The following DOCK3 variants were observed in gnomAD, a reference collection of about 807,000 sequenced individuals.
DOCK3 encodes dedicator of cytokinesis 3.
DOCK3 carries 60 observed loss-of-function variants against 265.6 expected under a neutral mutation model. The ratio of observed to expected loss-of-function variants is 0.23; its 90% CI spans 0.18 to 0.28. The LOEUF (loss-of-function observed/expected upper bound fraction) is 0.28, where lower values mean the gene tolerates loss of function less well. DOCK3 is among the 10% of genes least tolerant of loss of function. The probability of loss-of-function intolerance (pLI) is 1.00; values close to 1 mark genes in which losing one functional copy is unlikely to be tolerated. For synonymous variants in DOCK3, 881 were observed against 938.0 expected (o/e 0.94, Z 1.11); for missense variants, 1,981 against 2,594.3 (o/e 0.76, Z 5.14).
chr3:51,251,449 CTT>C (rs2079232960), intron 22 of DOCK3, among the ~76,000 whole-genome samples: 2 of 152,214 alleles, frequency 1.3e-5, no homozygotes, highest in Non-Finnish European at 2.9e-5. Flanking sequence ...ACCACACTGT[CTT>C]TTCCACAATG....
At chr3:50,729,795 T>G (rs971677328) in intron 1 of DOCK3, among the ~76,000 whole-genome samples, 12 of 151,568 alleles carry the variant, frequency 7.9e-5, no homozygotes, top group Admixed American at 2.6e-4. Flanking sequence ...GGATTACAGG[T>G]GTGAGTCACT....
rs1435482165 is a variant in DOCK3, at chr3:51,271,153, A to G, written c.2548+146A>G. 4.3e-6 allele frequency: 4 copies of G among 934,500 alleles called. No individual in the cohort carries two copies. The African/African-American group carries it at 6.6e-5, about 16-fold the overall frequency. 57.9% of individuals were successfully genotyped at this position (934,500 alleles called of 1,614,324 possible). ...AACCCTTAAGATACAGAATTTTTTG[A>G]TAAACTATAATAGAGAATGCAGCCA... On this transcript the variant is annotated intron_variant, in intron 24 of 52. Transcript: ENST00000266037.
chr3:51,341,816 A>T (rs1182149364), intron 38 of DOCK3, among the ~76,000 whole-genome samples: 1 of 152,196 alleles, frequency 6.6e-6, no homozygotes, highest in African/African-American at 2.4e-5. Flanking sequence ...TCTTACTGGT[A>T]TGTGTTCTTT....
intron 3 of DOCK3, among the ~76,000 whole-genome samples, chr3:50,844,562 A>G (rs1177423355): frequency 6.6e-6 from 1 of 152,152 alleles, no homozygotes; most frequent in East Asian, 1.9e-4. Context: ...AGTTCTTCCT[A>G]TAAAAGTTTT....
chr3:51,354,867 T>C lies in DOCK3; in HGVS notation c.4108-15T>C. 1 of 1,612,460 alleles carries C rather than the reference T, an allele frequency of 6.2e-7. No individual in the cohort carries two copies. Reference sequence around the variant, plus strand: ...AGCAAAGCATACATAGAGTGTGCTCTTCTGTTTGTGGCAGAACAAAGAATA... The same window carrying C: ...AGCAAAGCATACATAGAGTGTGCTCCTCTGTTTGTGGCAGAACAAAGAATA... On this transcript the variant is annotated splice_polypyrimidine_tract_variant and intron_variant, in intron 40 of 52. Transcript: ENST00000266037.
At chr3:50,969,189 T>C (rs1328588002) in intron 5 of DOCK3, among the ~76,000 whole-genome samples, 1 of 152,230 alleles carries the variant, frequency 6.6e-6, no homozygotes, top group African/African-American at 2.4e-5. Flanking sequence ...AGGATTGTTA[T>C]AACTTCTTGT....
chr3:50,779,464 A>G (rs1295575205), intron 2 of DOCK3, among the ~76,000 whole-genome samples: 1 of 151,192 alleles, frequency 6.6e-6, no homozygotes, highest in East Asian at 1.9e-4. Flanking sequence ...GCTCACTGCA[A>G]CCTCTGCCTC....
At chr3:50,863,076 G>C (rs1245180135) in intron 3 of DOCK3, among the ~76,000 whole-genome samples, 10 of 152,172 alleles carry the variant, frequency 6.6e-5, no homozygotes, top group Non-Finnish European at 1.3e-4. Flanking sequence ...GCCAACGAGG[G>C]CTTTGGTGGG....
At chr3:50,809,459 AT>A (rs917212071) in intron 2 of DOCK3, among the ~76,000 whole-genome samples, 1 of 152,232 alleles carries the variant, frequency 6.6e-6, no homozygotes, top group African/African-American at 2.4e-5. Context: ...ACTCCCAGAC[AT>A]TACTGATGGT....
rs10630436 is a variant in DOCK3 at position 50,728,728 on chromosome 3, A to AT, written c.38-49935dup. On this transcript the variant is annotated intron_variant, in intron 1 of 52. Coordinates refer to ENST00000266037, the MANE Select transcript of DOCK3 (RefSeq NM_004947.5). The stretch of plus-strand genomic sequence containing the variant: ...AGTGATACTATATTAAATAAATAGA[A>AT]TTTTTTTTTTTTGAAATGGATTCTT... Among the ~76,000 whole-genome samples, 387 of 147,446 alleles carry AT rather than the reference A, an allele frequency of 2.6e-3. 5 individuals are homozygous for AT. The East Asian group carries it at 0.037, about 14-fold the overall frequency.
chr3:51,075,594 T>C (rs1296802390), intron 7 of DOCK3, among the ~76,000 whole-genome samples, 154 bp downstream of exon 7: 1 of 152,246 alleles, frequency 6.6e-6, no homozygotes, highest in Non-Finnish European at 1.5e-5. Flanking sequence ...TCTGTCACAC[T>C]AGCTTTCCAA....
At chr3:50,898,367 C>T (rs1318799103) in intron 4 of DOCK3, among the ~76,000 whole-genome samples, 1 of 152,142 alleles carries the variant, frequency 6.6e-6, no homozygotes, top group East Asian at 1.9e-4. Context: ...ATTCTTCTCT[C>T]TTTTCTTCTT....
At chr3:51,344,703 G>A (rs1181621356) in intron 38 of DOCK3, among the ~76,000 whole-genome samples, 1 of 152,184 alleles carries the variant, frequency 6.6e-6, no homozygotes, top group Non-Finnish European at 1.5e-5. Context: ...AGTTAGCTTT[G>A]CCTCCTGCCT....
chr3:50,780,727 T>C (rs889020950), intron 2 of DOCK3, among the ~76,000 whole-genome samples: 2 of 152,130 alleles, frequency 1.3e-5, no homozygotes, highest in East Asian at 3.8e-4. Flanking sequence ...TGAAACTATA[T>C]ATTATTATTA....
At chr3:50,704,192 G>A (rs767837601) in intron 1 of DOCK3, among the ~76,000 whole-genome samples, 1 of 152,160 alleles carries the variant, frequency 6.6e-6, no homozygotes, top group East Asian at 1.9e-4. Flanking sequence ...ATGGCCTAAC[G>A]TATGGTCTAT....
rs578070752 is a variant in DOCK3 at position 51,179,125 on chromosome 3, C to G, written c.1037+18423C>G. 2.6e-5 allele frequency among the ~76,000 whole-genome samples: 4 copies of G among 152,350 alleles called. No individual in the cohort carries two copies. In the East Asian group the frequency reaches 7.7e-4, roughly 29 times the overall value. The stretch of plus-strand genomic sequence containing the variant: ...TCACCAGGCCATATTGTCCTCCCAG[C>G]TGTAAACACATTTTTTTGTCCAACA... On this transcript the variant is annotated intron_variant, in intron 12 of 52. Coordinates refer to ENST00000266037, the MANE Select transcript of DOCK3 (RefSeq NM_004947.5).
At chr3:51,089,395 G>T in intron 8 of DOCK3, 111 bp downstream of exon 8, 1 of 1,331,856 alleles carries the variant, frequency 7.5e-7, no homozygotes, top group Non-Finnish European at 1.0e-6. Context: ...TCTTGACTGT[G>T]TGGTGTCTTT....
intron 1 of DOCK3, among the ~76,000 whole-genome samples, chr3:50,730,061 T>C (rs1356869813): frequency 6.6e-6 from 1 of 151,760 alleles, no homozygotes; most frequent in Non-Finnish European, 1.5e-5. Context: ...AAACTCAAGT[T>C]CCAGATGGTT....
chr3:51,034,952 T>C (rs2080205786), intron 5 of DOCK3, among the ~76,000 whole-genome samples: 1 of 152,142 alleles, frequency 6.6e-6, no homozygotes, highest in Non-Finnish European at 1.5e-5. Flanking sequence ...TCAGTGATCA[T>C]GTTCTGCTCT....
Sources: allele counts gnomAD v4.1 joint callset (sites outside exome capture counted in the v4.1 genomes callset), GRCh38; gene constraint gnomAD v4.1.1; transcripts MANE v1.5; gene names NCBI Gene and HGNC (gene_info 2026-07-23, HGNC 2026-07-21).